TNFSF8: variants seen among roughly 807,000 people sequenced by gnomAD.
TNFSF8 encodes tumor necrosis factor ligand superfamily member 8.
Under a neutral mutation model 22.0 loss-of-function variants are expected in TNFSF8, and 4 were observed. The ratio of observed to expected loss-of-function variants is 0.18; its 90% confidence interval spans 0.09 to 0.42. The LOEUF is 0.42. Ranked by LOEUF, TNFSF8 falls within the 10% of genes least tolerant of loss-of-function variation. The pLI, the probability that TNFSF8 is intolerant of heterozygous loss-of-function variation, is 1.00. For synonymous variants in TNFSF8, 106 were observed against 112.5 expected, an observed-to-expected ratio of 0.94 and a Z score of 0.37; for missense variants, 233 against 281.8, an observed-to-expected ratio of 0.83 and a Z score of 1.24.
At chr9:114,897,229 C>A (rs1433556917), downstream of TNFSF8, among the ~76,000 whole-genome samples, 1 of 151,940 alleles carries the variant, frequency 6.6e-6, no homozygotes, top group Non-Finnish European at 1.5e-5. Context: ...AAAATAGAGG[C>A]TTTCAATGAA....
chr9:114,896,193 C>G (rs1296975125), downstream of TNFSF8, among the ~76,000 whole-genome samples: 4 of 152,180 alleles, frequency 2.6e-5, no homozygotes, highest in African/African-American at 9.7e-5. Context: ...GCACCTGAAT[C>G]TCTTGGATCA....
At chr9:114,913,190 C>T (rs537699042) in intron 2 of TNFSF8, among the ~76,000 whole-genome samples, 19 of 152,264 alleles carry the variant, frequency 1.2e-4, no homozygotes, top group East Asian at 5.8e-4. Context: ...TGAATTCAGG[C>T]GAGGGTGGAG....
At chr9:114,898,148 G>A (rs1011414086), downstream of TNFSF8, among the ~76,000 whole-genome samples, 65 of 144,556 alleles carry the variant, frequency 4.5e-4, no homozygotes, top group African/African-American at 1.6e-3. Context: ...GATTACAGGC[G>A]CACACCACCA....
intron 1 of TNFSF8, among the ~76,000 whole-genome samples, chr9:114,921,248 AT>A (rs1318025586): frequency 2.0e-5 from 3 of 152,134 alleles, no homozygotes; most frequent in Non-Finnish European, 4.4e-5. Context: ...GACTATTCCT[AT>A]TTTGAAGAGC....
At chr9:114,914,618 A>C (rs568600124) in intron 2 of TNFSF8, among the ~76,000 whole-genome samples, 18 of 152,324 alleles carry the variant, frequency 1.2e-4, no homozygotes, top group African/African-American at 4.3e-4. Context: ...TCCTATGCCC[A>C]AAGGACATAG....
chr9:114,899,385 C>A (rs7025577), downstream of TNFSF8, among the ~76,000 whole-genome samples: 83,326 of 147,604 alleles, frequency 0.56, 25,402 homozygotes, highest in African/African-American at 0.8. Flanking sequence ...GCAACATGAC[C>A]TTTCTTCTTC....
Position 114,903,827 on chromosome 9 carries a change from G to T in TNFSF8, c.*104C>A. The stretch of plus-strand genomic sequence containing the variant: ...AGAAGTATACTATTTAATACCCTGT[G>T]TAGTTTGTCTTGGTCTAAAGTTTTC... On this transcript the variant is annotated 3_prime_UTR_variant, in exon 4 of 4. Coordinates refer to ENST00000223795, the MANE Select transcript of TNFSF8 (RefSeq NM_001244.4). The T allele has an allele frequency of 6.6e-7, 1 of 1,510,236 alleles. No homozygotes were observed. 93.6% of individuals were successfully genotyped at this position (1,510,236 alleles called of 1,614,324 possible). A position where few individuals can be genotyped will look rare whatever the true frequency, so the allele number is the denominator to read the frequency against.
At chr9:114,909,088 G>A (rs1827821109) in intron 2 of TNFSF8, among the ~76,000 whole-genome samples, 1 of 152,170 alleles carries the variant, frequency 6.6e-6, no homozygotes, top group Non-Finnish European at 1.5e-5. Flanking sequence ...AGCTCACAGA[G>A]TTGACCAGTC....
intron 2 of TNFSF8, 99 bp from the exon 3 acceptor site, chr9:114,905,998 G>A (rs370498759): frequency 2.6e-4 from 199 of 762,312 alleles, no homozygotes; most frequent in African/African-American, 5.1e-4. Context: ...GACAATTACC[G>A]TTCTGTTTTC....
chr9:114,902,689 GC>G lies in TNFSF8; in HGVS notation c.*1241del. 1.0e-6 allele frequency: 1 copy of G among 985,392 alleles called. No homozygotes were observed. The highest frequency in any genetic ancestry group is 1.2e-6 in the Non-Finnish European group (1 of 829,926). The allele number at this position is 985,392 out of a possible 1,614,324, so 61.0% of individuals were successfully genotyped here. A position where few individuals can be genotyped will look rare whatever the true frequency, so the allele number is the denominator to read the frequency against. Reference sequence around the variant, plus strand: ...TTCAATTATATACTGGGGTAGGGGGGCCTTATTTTGGTTGGAGAGCTTCCAA... The same window carrying G: ...TTCAATTATATACTGGGGTAGGGGGGCTTATTTTGGTTGGAGAGCTTCCAA... On this transcript the variant is annotated 3_prime_UTR_variant, in exon 4 of 4. Transcript: ENST00000223795.
intron 1 of TNFSF8, among the ~76,000 whole-genome samples, chr9:114,921,669 A>T (rs1827989153): frequency 6.6e-6 from 1 of 152,046 alleles, no homozygotes; most frequent in African/African-American, 2.4e-5. Flanking sequence ...TTCTCTCCCT[A>T]ATCTTGTCTG....
downstream of TNFSF8, among the ~76,000 whole-genome samples, chr9:114,900,462 T>C (rs1827703031): frequency 6.6e-6 from 1 of 152,202 alleles, no homozygotes; most frequent in Non-Finnish European, 1.5e-5. Flanking sequence ...AGTCTCATAT[T>C]CCAATCTCCA....
At chr9:114,897,060 G>A (rs532738981), downstream of TNFSF8, among the ~76,000 whole-genome samples, 6 of 152,044 alleles carry the variant, frequency 3.9e-5, no homozygotes, top group South Asian at 6.2e-4. Flanking sequence ...GTGCCACCAC[G>A]CCTGGCTAAT....
At chr9:114,904,662 A>G (rs142548325) in intron 3 of TNFSF8, among the ~76,000 whole-genome samples, 146 of 152,308 alleles carry the variant, frequency 9.6e-4, no homozygotes, top group African/African-American at 3.1e-3. Context: ...TTTTCAGACT[A>G]TAAGCTCCTG....
Position 114,902,726 on chromosome 9 carries a change from G to A in TNFSF8, c.*1205C>T, listed in dbSNP as rs1022694273. 2 of 985,236 alleles carry A rather than the reference G, an allele frequency of 2.0e-6. No homozygotes were observed. The highest frequency in any genetic ancestry group is 2.4e-6 in the Non-Finnish European group (2 of 829,934). The allele number at this position is 985,236 out of a possible 1,614,324, so 61.0% of individuals were successfully genotyped here. On this transcript the variant is annotated 3_prime_UTR_variant, in exon 4 of 4. Coordinates refer to ENST00000223795, the MANE Select transcript of TNFSF8 (RefSeq NM_001244.4). ...TTGGAGAGCTTCCAAAATTGTGTCTGGAATCTCAGTTCCCAGGGTCTGGTC... is the reference window on the plus strand; with the variant it reads ...TTGGAGAGCTTCCAAAATTGTGTCTAGAATCTCAGTTCCCAGGGTCTGGTC...
chr9:114,904,308 T>C lies in TNFSF8; in HGVS notation c.328A>G (p.Lys110Glu), dbSNP rs766133615. 81 of 1,607,540 alleles carry C rather than the reference T, an allele frequency of 5.0e-5. No homozygotes were observed. The highest frequency in any genetic ancestry group is 6.6e-5 in the Non-Finnish European group (78 of 1,176,158). The change falls in exon 4 of 4, where the codon AAA becomes GAA. Residue 110 changes from lysine to glutamate, a missense_variant. Coordinates refer to ENST00000223795, the MANE Select transcript of TNFSF8 (RefSeq NM_001244.4). ...TCTTTGTTCCAAGACAACTTGGTTT[T>C]GTTTAGATGCTTTGCCACTAGAAAG... ...AYLQVAKHLNKTKLSWNKDGI... is the reference protein window; with the variant it reads ...AYLQVAKHLNETKLSWNKDGI...
At chr9:114,916,970 GAT>G (rs1827926900) in intron 2 of TNFSF8, among the ~76,000 whole-genome samples, 1 of 152,226 alleles carries the variant, frequency 6.6e-6, no homozygotes, top group Non-Finnish European at 1.5e-5. Context: ...GCCAAAATGA[GAT>G]ATTGTTGACA....
chr9:114,920,333 T>C (rs1827972139), intron 1 of TNFSF8, among the ~76,000 whole-genome samples: 1 of 152,164 alleles, frequency 6.6e-6, no homozygotes, highest in Admixed American at 6.5e-5. Flanking sequence ...ATAGCAAACC[T>C]GGTACAGCCA....
At chr9:114,896,921 G>A (rs1564365498), downstream of TNFSF8, among the ~76,000 whole-genome samples, 2 of 151,054 alleles carry the variant, frequency 1.3e-5, no homozygotes, top group Non-Finnish European at 2.9e-5. Context: ...TTTTTTTTGA[G>A]ATTGAGTTTC....
Sources: gnomAD v4.1 joint callset for allele counts (sites outside exome capture counted in the v4.1 genomes callset) on GRCh38, gnomAD v4.1.1 for gene constraint, MANE v1.5 for transcripts, NCBI Gene and HGNC (gene_info 2026-07-23, HGNC 2026-07-21) for gene names.